Variants in C16orf96 observed in about 807,000 individuals in gnomAD.
C16orf96 encodes chromosome 16 open reading frame 96, also known as uncharacterized protein C16orf96.
C16orf96 carries 108 observed loss-of-function variants against 103.6 expected under a neutral mutation model. The ratio of observed to expected loss-of-function variants is 1.04; its 90% CI spans 0.89 to 1.22. C16orf96 has a LOEUF of 1.22. Among genes scored for constraint, C16orf96 ranks in the 50% most tolerant of loss-of-function variants. The pLI is 0.00. For synonymous variants in C16orf96, 566 were observed against 593.5 expected (o/e 0.95, Z 0.67); for missense variants, 1,586 against 1,464.2 (o/e 1.08, Z -1.36).
rs1194101898 is a variant in C16orf96 at position 4,600,178 on chromosome 16, C to G, written c.3287C>G (p.Pro1096Arg). ...ATGCCAGCTCGACCACCTTCCCTGC[C>G]ACCTCTGCTGCTGCTGCCACCGCTG... is the stretch of plus-strand genomic sequence containing the variant. The part of the protein sequence containing the change: ...LTMPARPPSL[P>R]PLLLLPPLIP... The change falls in exon 16 of 16, where the codon CCA becomes CGA. Residue 1096 changes from proline (P) to arginine (R), a missense_variant. Physicochemically the swap from Pro to Arg is moderately radical, Grantham distance 103. Coordinates refer to ENST00000444310, the MANE Select transcript of C16orf96 (RefSeq NM_001145011.2). The G allele has an allele frequency of 2.6e-5, 40 of 1,551,482 alleles. No individual in the cohort carries two copies. The highest frequency in any genetic ancestry group is 3.3e-5 in the Non-Finnish European group (38 of 1,146,978).
intron 1 of C16orf96, among the ~76,000 whole-genome samples, chr16:4,564,553 A>G (rs907232095): frequency 6.6e-6 from 1 of 152,118 alleles, no homozygotes; most frequent in African/African-American, 2.4e-5. Flanking sequence ...GTTTACGCCT[A>G]TGATCCCAGC....
the C16orf96 span, among the ~76,000 whole-genome samples, chr16:4,539,198 C>G: frequency 1.3e-5 from 2 of 152,208 alleles, no homozygotes; most frequent in Non-Finnish European, 2.9e-5. Flanking sequence ...TAACCCACTC[C>G]ATCTTGCTTC....
intron 7 of C16orf96, among the ~76,000 whole-genome samples, 190 bp downstream of exon 7, chr16:4,580,315 C>CCA (rs1048368490): frequency 2.4e-5 from 3 of 126,538 alleles, no homozygotes; most frequent in Non-Finnish European, 5.1e-5. Flanking sequence ...CCACCACCCC[C>CCA]CCCCACCCAT....
At chr16:4,563,288 C>T (rs1012268619) in intron 1 of C16orf96, among the ~76,000 whole-genome samples, 3 of 152,098 alleles carry the variant, frequency 2.0e-5, no homozygotes, top group Non-Finnish European at 4.4e-5. Context: ...CTCACTCTGT[C>T]GCCCAGGCTG....
chr16:4,564,632 A>G (rs7203731), intron 1 of C16orf96, among the ~76,000 whole-genome samples: 4,117 of 152,250 alleles, frequency 0.027, 213 homozygotes, highest in African/African-American at 0.095. Context: ...CCGATGTGGC[A>G]AAACCTTGTC....
At chr16:4,580,301 A>C (rs2059567882) in intron 7 of C16orf96, among the ~76,000 whole-genome samples, 176 bp downstream of exon 7, 1 of 86,116 alleles carries the variant, frequency 1.2e-5, no homozygotes. Flanking sequence ...AAAGCAAACG[A>C]ATCCCACCAC....
chr16:4,575,251 G>C lies in C16orf96; in HGVS notation c.771G>C (p.Lys257Asn), dbSNP rs753518030. 18 of 1,549,378 alleles carry C rather than the reference G, an allele frequency of 1.2e-5. No homozygotes were observed. The highest frequency in any genetic ancestry group is 1.5e-5 in the Non-Finnish European group (17 of 1,146,970). ...LPEAALAQTT[K>N]YLEATRAIQV... is the part of the protein sequence containing the mutation. ...AGGCTGCCCTGGCCCAGACCACCAA[G>C]TACCTTGAAGCTACTCGTGCCATCC... Residue 257 changes from lysine (K) to asparagine (N), a missense_variant, in exon 5 of 16, where the codon AAG becomes AAC. Lys to Asn is a moderately conservative substitution (Grantham distance 94). Coordinates refer to ENST00000444310, the MANE Select transcript of C16orf96 (RefSeq NM_001145011.2).
At chr16:4,589,274 C>G (rs1473818278) in intron 9 of C16orf96, among the ~76,000 whole-genome samples, 2 of 152,072 alleles carry the variant, frequency 1.3e-5, no homozygotes, top group East Asian at 3.9e-4. Flanking sequence ...AGGGTGACCA[C>G]CTTCCATCAT....
chr16:4,547,693 T>TTCCTTCCTTCCTTCCTTCC, the C16orf96 span, among the ~76,000 whole-genome samples: 11 of 32,002 alleles, frequency 3.4e-4, no homozygotes, highest in African/African-American at 1.1e-3. Flanking sequence ...TCCTTCCTTC[T>TTCCTTCCTTCCTTCCTTCC]TTCTTTCTTT....
rs1240047283 is a variant in C16orf96, at chr16:4,588,332, G to A, written c.2592+1G>A. The A allele has an allele frequency of 1.3e-6, 2 of 1,547,374 alleles. No individual in the cohort carries two copies. The highest frequency in any genetic ancestry group is 1.7e-6 in the Non-Finnish European group (2 of 1,143,738). On this transcript the variant is annotated splice_donor_variant, in intron 9 of 15. Transcript: ENST00000444310. LOFTEE classifies it high-confidence loss of function. Reference sequence around the variant, plus strand: ...GCTCAGCAAGGACGTGAACACCAAGGTGAATGCCCCCATGTTGATTTTCAC... The same window carrying A: ...GCTCAGCAAGGACGTGAACACCAAGATGAATGCCCCCATGTTGATTTTCAC...
chr16:4,596,243 T>A (rs1897169117), intron 14 of C16orf96, among the ~76,000 whole-genome samples: 1 of 152,006 alleles, frequency 6.6e-6, no homozygotes, highest in Non-Finnish European at 1.5e-5. Context: ...TCCCAGCACT[T>A]TGGGAGACCG....
intron 1 of C16orf96, among the ~76,000 whole-genome samples, chr16:4,566,478 A>G (rs940061977): frequency 3.3e-5 from 5 of 152,168 alleles, no homozygotes; most frequent in Non-Finnish European, 7.3e-5. Flanking sequence ...TTTACACATC[A>G]TCTTTGGAGA....
intron 15 of C16orf96, 113 bp downstream of exon 15, chr16:4,599,477 C>G: frequency 1.1e-6 from 1 of 893,092 alleles, no homozygotes; most frequent in South Asian, 1.5e-5. Flanking sequence ...TCCACCTCCT[C>G]CACCTCCTGC....
the C16orf96 span, among the ~76,000 whole-genome samples, chr16:4,550,540 A>T: frequency 6.6e-6 from 1 of 152,056 alleles, no homozygotes; most frequent in African/African-American, 2.4e-5. Context: ...AAAATCATGT[A>T]CTCATTTTGG....
At chr16:4,599,235 G>A in intron 14 of C16orf96, 49 bp from the exon 15 acceptor site, 1 of 1,506,444 alleles carries the variant, frequency 6.6e-7, no homozygotes, top group Non-Finnish European at 9.0e-7. Flanking sequence ...CCTGACACAG[G>A]CCCAGGGGTG....
intron 11 of C16orf96, among the ~76,000 whole-genome samples, chr16:4,592,963 C>A (rs1897093030): frequency 6.6e-6 from 1 of 152,236 alleles, no homozygotes; most frequent in Admixed American, 6.5e-5. Context: ...GTGTATGCCA[C>A]CGCGCCTAGC....
chr16:4,549,420 C>T, the C16orf96 span, among the ~76,000 whole-genome samples: 1 of 150,240 alleles, frequency 6.7e-6, no homozygotes, highest in African/African-American at 2.5e-5. Context: ...TCGCAGTGAG[C>T]CAAGATCGCG....
intron 1 of C16orf96, among the ~76,000 whole-genome samples, chr16:4,561,816 G>A (rs750043162): frequency 1.2e-4 from 19 of 152,078 alleles, no homozygotes; most frequent in Middle Eastern, 3.4e-3. Flanking sequence ...CCGGGGGGTC[G>A]CCTGGCAAAC....
intron 7 of C16orf96, among the ~76,000 whole-genome samples, chr16:4,583,107 G>A (rs777456071): frequency 4.6e-5 from 7 of 152,142 alleles, no homozygotes; most frequent in East Asian, 3.9e-4. Context: ...GCGTGGTTGC[G>A]GGTGCCTGTA....
Sources: gnomAD v4.1 joint callset for allele counts (sites outside exome capture counted in the v4.1 genomes callset) on GRCh38, gnomAD v4.1.1 for gene constraint, MANE v1.5 for transcripts, NCBI Gene and HGNC (gene_info 2026-07-23, HGNC 2026-07-21) for gene names.